GRIK1: variants seen among roughly 807,000 people sequenced by gnomAD.
GRIK1 encodes the protein glutamate receptor ionotropic, kainate 1.
A neutral mutation model predicts 105.7 loss-of-function variants in GRIK1; 69 were observed. That is an observed-to-expected ratio of 0.65 (90% confidence interval 0.54 to 0.80). GRIK1 has a LOEUF of 0.80. Among genes scored for constraint, GRIK1 ranks in the 30% least tolerant of loss-of-function variants. The pLI, the probability that GRIK1 is intolerant of heterozygous loss-of-function variation, is 0.00. For synonymous variants in GRIK1, 438 were observed against 431.3 expected, an observed-to-expected ratio of 1.02 and a Z score of -0.19; for missense variants, 1,109 against 1,167.3, an observed-to-expected ratio of 0.95 and a Z score of 0.73.
chr21:29,537,896 A>C lies in GRIK1; in HGVS notation c.2608-12T>G. ...GATGACTTTCCTTTCTGATAAAAAA[A>C]AAAGAAAAAAAAACAATTTTAAATT... On this transcript the variant is annotated splice_polypyrimidine_tract_variant and intron_variant, in intron 16 of 17. Transcript: ENST00000327783. 8.8e-7 allele frequency: 1 copy of C among 1,140,394 alleles called. No homozygotes were observed. The allele number at this position is 1,140,394 out of a possible 1,614,324, so 70.6% of individuals were successfully genotyped here. A position where few individuals can be genotyped will look rare whatever the true frequency, so the allele number is the denominator to read the frequency against.
At chr21:29,612,325 C>A (rs1236601690) in intron 7 of GRIK1, among the ~76,000 whole-genome samples, 7 of 152,146 alleles carry the variant, frequency 4.6e-5, no homozygotes, top group Non-Finnish European at 5.9e-5. Context: ...TTAAATGGGT[C>A]CCAGGACGGT....
intron 1 of GRIK1, among the ~76,000 whole-genome samples, chr21:29,896,021 A>G (rs465835): frequency 0.85 from 129,100 of 152,188 alleles, 54,934 homozygotes; most frequent in Middle Eastern, 0.94. Flanking sequence ...TGCCCTCCCC[A>G]CAACTACCTG....
In GRIK1 at chr21:29,738,659, G is replaced by C. The variant is rs148511779; in HGVS notation, c.119-44596C>G. ...GCATCTCCAAGTGGTTTCTGTGGAG[G>C]AACTATATTTCAGAGAATATGAATT... On this transcript the variant is annotated intron_variant, in intron 1 of 17. Transcript: ENST00000327783. Among the ~76,000 whole-genome samples the C allele has an allele frequency of 2.0e-3, 305 of 152,260 alleles. 1 individual carries two copies. Among genetic ancestry groups the C allele is most frequent in the African/African-American group, 7.0e-3 (292 of 41,542 alleles).
chr21:29,748,163 C>T (rs1472008242), intron 1 of GRIK1: 1 of 152,118 alleles, frequency 6.6e-6, no homozygotes, highest in Non-Finnish European at 1.5e-5. Context: ...TTGAATTTTC[C>T]AACGGTATTT....
chr21:29,702,169 G>A (rs1408428856), intron 1 of GRIK1, among the ~76,000 whole-genome samples: 1 of 152,056 alleles, frequency 6.6e-6, no homozygotes, highest in Non-Finnish European at 1.5e-5. Flanking sequence ...AGGAGGGAGA[G>A]GATCAAGAAA....
chr21:29,889,839 A>G (rs541358195), intron 1 of GRIK1, among the ~76,000 whole-genome samples: 5 of 152,224 alleles, frequency 3.3e-5, no homozygotes, highest in African/African-American at 1.2e-4. Flanking sequence ...TGTATTAAAT[A>G]GAATTATCCA....
intron 1 of GRIK1, among the ~76,000 whole-genome samples, chr21:29,741,371 T>G (rs753727394): frequency 6.6e-6 from 1 of 152,154 alleles, no homozygotes; most frequent in Non-Finnish European, 1.5e-5. Context: ...TTTTTGTCAC[T>G]GCAAAACAGC....
At chr21:29,938,782 G>C (rs948446184) in intron 1 of GRIK1, among the ~76,000 whole-genome samples, 2 of 152,126 alleles carry the variant, frequency 1.3e-5, no homozygotes, top group Non-Finnish European at 2.9e-5. Flanking sequence ...TCTTCAGCTC[G>C]AAGTCAGATC....
chr21:29,856,989 A>G (rs1236346069), intron 1 of GRIK1, among the ~76,000 whole-genome samples: 2 of 152,170 alleles, frequency 1.3e-5, no homozygotes, highest in Non-Finnish European at 2.9e-5. Flanking sequence ...AGATGAGGTA[A>G]GAGAGCTAAG....
chr21:29,594,185 ATG>A (rs35296703), intron 9 of GRIK1, among the ~76,000 whole-genome samples: 5,942 of 150,148 alleles, frequency 0.04, 125 homozygotes, highest in Middle Eastern at 0.087. Context: ...AGAACTGTGT[ATG>A]TGTGTGTGTG....
chr21:29,938,249 G>A (rs1056869006), intron 1 of GRIK1, among the ~76,000 whole-genome samples: 15 of 152,200 alleles, frequency 9.9e-5, no homozygotes, highest in Non-Finnish European at 2.1e-4. Context: ...CTGGAAAGGG[G>A]GAGTTAGAAG....
chr21:29,855,630 T>G (rs2068439577), intron 1 of GRIK1, among the ~76,000 whole-genome samples: 1 of 152,206 alleles, frequency 6.6e-6, no homozygotes, highest in Admixed American at 6.5e-5. Context: ...TTTAAGCAGA[T>G]TAGTGGGATG....
chr21:29,798,498 A>C (rs2066616403), intron 1 of GRIK1, among the ~76,000 whole-genome samples: 1 of 152,202 alleles, frequency 6.6e-6, no homozygotes, highest in Admixed American at 6.5e-5. Flanking sequence ...TTTTCCCTAA[A>C]ATTCTGCAAT....
intron 6 of GRIK1, among the ~76,000 whole-genome samples, chr21:29,643,675 C>G (rs1247934623): frequency 6.6e-6 from 1 of 152,306 alleles, no homozygotes; most frequent in South Asian, 2.1e-4. Context: ...ATTCCTCTCA[C>G]TTGCACAATT....
chr21:29,927,211 G>C (rs2071399678), intron 1 of GRIK1, among the ~76,000 whole-genome samples: 1 of 151,766 alleles, frequency 6.6e-6, no homozygotes, highest in Non-Finnish European at 1.5e-5. Flanking sequence ...AAAAGACAGA[G>C]AAAAATGCAA....
At chr21:29,713,002 T>A (rs1443955188) in intron 1 of GRIK1, among the ~76,000 whole-genome samples, 1 of 152,154 alleles carries the variant, frequency 6.6e-6, no homozygotes, top group African/African-American at 2.4e-5. Flanking sequence ...AGCTGAGTGT[T>A]TCAACATGTG....
intron 1 of GRIK1, among the ~76,000 whole-genome samples, chr21:29,701,108 A>G (rs2063803870): frequency 6.6e-6 from 1 of 152,176 alleles, no homozygotes; most frequent in African/African-American, 2.4e-5. Flanking sequence ...GATTCTACTG[A>G]ATAACTCGCT....
chr21:29,719,074 G>GTA (rs1467823676), intron 1 of GRIK1, among the ~76,000 whole-genome samples: 2 of 48,062 alleles, frequency 4.2e-5, no homozygotes, highest in African/African-American at 1.0e-4. Context: ...GTGTGTGTGT[G>GTA]TATATACATA....
chr21:29,845,274 A>G (rs2146019771), intron 1 of GRIK1, among the ~76,000 whole-genome samples: 1 of 152,276 alleles, frequency 6.6e-6, no homozygotes, highest in South Asian at 2.1e-4. Context: ...AAAATGCCAA[A>G]CGTCTTTTGC....
Sources: allele counts gnomAD v4.1 joint callset (sites outside exome capture counted in the v4.1 genomes callset), GRCh38; gene constraint gnomAD v4.1.1; transcripts MANE v1.5; gene names NCBI Gene and HGNC (gene_info 2026-07-23, HGNC 2026-07-21).